The following ADAMTS3 variants were observed in gnomAD, a reference collection of about 807,000 sequenced individuals.
ADAMTS3 encodes the protein A disintegrin and metalloproteinase with thrombospondin motifs 3.
ADAMTS3 carries 73 observed loss-of-function variants against 129.0 expected under a neutral mutation model. The observed-to-expected ratio is 0.57, with a 90% confidence interval of 0.47 to 0.69. ADAMTS3 has a LOEUF of 0.69. ADAMTS3 is among the 30% of genes least tolerant of loss of function. The pLI is 0.00. For missense variants in ADAMTS3, 1,457 were observed against 1,514.5 expected (o/e 0.96, Z 0.63); for synonymous variants, 477 against 510.8 (o/e 0.93, Z 0.89).
intron 3 of ADAMTS3, among the ~76,000 whole-genome samples, chr4:72,492,864 C>G (rs73825554): frequency 0.033 from 4,965 of 151,874 alleles, 255 homozygotes; most frequent in African/African-American, 0.11. Flanking sequence ...TCAATATTTA[C>G]TTTATTTAGA....
At chr4:72,391,260 T>C (rs1257659000) in intron 4 of ADAMTS3, among the ~76,000 whole-genome samples, 1 of 152,244 alleles carries the variant, frequency 6.6e-6, no homozygotes, top group African/African-American at 2.4e-5. Context: ...ACTTCTAAAA[T>C]ACTAAACATA....
chr4:72,463,525 T>G (rs1313044371), intron 3 of ADAMTS3, among the ~76,000 whole-genome samples: 1 of 151,956 alleles, frequency 6.6e-6, no homozygotes. Flanking sequence ...GGTTAATTAT[T>G]CTAATGAAGC....
chr4:72,345,907 G>A (rs533129434), intron 4 of ADAMTS3, among the ~76,000 whole-genome samples: 1 of 152,198 alleles, frequency 6.6e-6, no homozygotes, highest in African/African-American at 2.4e-5. Context: ...CTATGTCAGC[G>A]AGAATGTTTC....
Position 72,281,511 on chromosome 4 carries a change from T to C in ADAMTS3, c.*1625A>G, listed in dbSNP as rs534115519. Reference sequence around the variant, plus strand: ...GTACATGTAATTCATGATGCACTTATCTCTTTCAAAAACTTTTAAAAATGT... The same window carrying C: ...GTACATGTAATTCATGATGCACTTACCTCTTTCAAAAACTTTTAAAAATGT... On this transcript the variant is annotated 3_prime_UTR_variant, in exon 22 of 22. Transcript: ENST00000286657. 17 of 152,388 alleles carry C rather than the reference T, an allele frequency of 1.1e-4. No homozygotes were observed. The South Asian group carries it at 3.1e-3, about 28-fold the overall frequency. 9.4% of individuals were successfully genotyped at this position (152,388 alleles called of 1,614,324 possible). A position where few individuals can be genotyped will look rare whatever the true frequency, so the allele number is the denominator to read the frequency against.
At chr4:72,361,254 G>T (rs1311654151) in intron 4 of ADAMTS3, among the ~76,000 whole-genome samples, 1 of 152,026 alleles carries the variant, frequency 6.6e-6, no homozygotes, top group Non-Finnish European at 1.5e-5. Flanking sequence ...CTGTAACAAT[G>T]AAAATTATAT....
At chr4:72,546,306 C>T (rs16848079) in intron 3 of ADAMTS3, among the ~76,000 whole-genome samples, 7,285 of 152,190 alleles carry the variant, frequency 0.048, 394 homozygotes, top group East Asian at 0.27. Flanking sequence ...TTAGATGCCT[C>T]AGGGAGCTCA....
At position 72,452,687 on chromosome 4, in the gene ADAMTS3, G is replaced by A. The variant is rs143747327; in HGVS notation, c.505-37716C>T. On this transcript the variant is annotated intron_variant, in intron 3 of 21. Coordinates refer to ENST00000286657, the MANE Select transcript of ADAMTS3 (RefSeq NM_014243.3). ...ACACAGGCAGTCTTGAGCTGATTTC[G>A]TGCATCAGGGATTCTGCAGTATGGC... 2.9e-3 allele frequency among the ~76,000 whole-genome samples: 435 copies of A among 151,828 alleles called. 5 individuals are homozygous for A. The highest frequency in any genetic ancestry group is 9.4e-3 in the African/African-American group (391 of 41,500).
chr4:72,343,411 G>C (rs867130025), intron 4 of ADAMTS3, among the ~76,000 whole-genome samples: 1 of 152,054 alleles, frequency 6.6e-6, no homozygotes, highest in East Asian at 1.9e-4. Context: ...ATGATTTGGG[G>C]CTGCTTTTCA....
intron 6 of ADAMTS3, among the ~76,000 whole-genome samples, chr4:72,322,401 A>C (rs1578581277): frequency 6.6e-6 from 1 of 152,206 alleles, no homozygotes; most frequent in East Asian, 1.9e-4. Context: ...TCCTCCTTAA[A>C]GGAGCTAAAC....
At chr4:72,498,956 G>A (rs1719940156) in intron 3 of ADAMTS3, among the ~76,000 whole-genome samples, 1 of 151,878 alleles carries the variant, frequency 6.6e-6, no homozygotes, top group Non-Finnish European at 1.5e-5. Flanking sequence ...CCTATAACAG[G>A]GTTGTCAAGA....
intron 3 of ADAMTS3, among the ~76,000 whole-genome samples, chr4:72,499,313 T>C (rs955218323): frequency 6.6e-6 from 1 of 152,196 alleles, no homozygotes; most frequent in Admixed American, 6.6e-5. Context: ...TTAACAGCAC[T>C]GTACATGTTT....
chr4:72,377,740 C>T (rs1232911806), intron 4 of ADAMTS3, among the ~76,000 whole-genome samples: 19 of 152,244 alleles, frequency 1.2e-4, no homozygotes, highest in Middle Eastern at 3.4e-3. Context: ...TGTTGCCAGG[C>T]ATTGGATAGA....
chr4:72,542,444 A>G (rs181239266), intron 3 of ADAMTS3, among the ~76,000 whole-genome samples: 1,639 of 152,286 alleles, frequency 0.011, 17 homozygotes, highest in Non-Finnish European at 0.016. Flanking sequence ...GATTACAGGC[A>G]TGAGCCACTG....
intron 3 of ADAMTS3, among the ~76,000 whole-genome samples, chr4:72,417,837 G>A (rs1476144279): frequency 6.8e-6 from 1 of 147,584 alleles, no homozygotes; most frequent in Non-Finnish European, 1.5e-5. Flanking sequence ...GGAGGCTGAG[G>A]CAGGAGAATG....
intron 3 of ADAMTS3, among the ~76,000 whole-genome samples, chr4:72,498,207 C>G (rs371059441): frequency 6.6e-6 from 1 of 151,970 alleles, no homozygotes; most frequent in African/African-American, 2.4e-5. Flanking sequence ...CAAAAGTAAG[C>G]ACTCTACGAT....
In ADAMTS3 at chr4:72,479,015, TACAAACCA is replaced by T. The variant is rs1196115232; in HGVS notation, c.505-64052_505-64045del. 2.6e-3 allele frequency among the ~76,000 whole-genome samples: 399 copies of T among 152,256 alleles called. 3 individuals are homozygous for T. Among genetic ancestry groups the T allele is most frequent in the African/African-American group, 9.3e-3 (387 of 41,546 alleles). Reference sequence around the variant, plus strand: ...CGTGAAGGACCTCCTCAAGGAGAACTACAAACCACTGCTCAACGAAATAAAAGAGGATA... The same window carrying T: ...CGTGAAGGACCTCCTCAAGGAGAACTCTGCTCAACGAAATAAAAGAGGATA... On this transcript the variant is annotated intron_variant, in intron 3 of 21. Transcript: ENST00000286657.
chr4:72,409,840 C>T (rs1434553), intron 4 of ADAMTS3, among the ~76,000 whole-genome samples: 101,719 of 151,938 alleles, frequency 0.67, 34,676 homozygotes, highest in South Asian at 0.8. Context: ...CAAAACTAAC[C>T]AGACAACAGA....
chr4:72,542,949 T>C (rs1721371223), intron 3 of ADAMTS3, among the ~76,000 whole-genome samples: 1 of 152,218 alleles, frequency 6.6e-6, no homozygotes, highest in Non-Finnish European at 1.5e-5. Flanking sequence ...ACACATTTGC[T>C]TTTTATGGTG....
chr4:72,567,323 T>C, intron 2 of ADAMTS3, 51 bp downstream of exon 2: 1 of 1,583,502 alleles, frequency 6.3e-7, no homozygotes, highest in Non-Finnish European at 8.7e-7. Flanking sequence ...GCTCACTTCA[T>C]TCCCTTACTT....
Sources: gnomAD v4.1 joint callset for allele counts (sites outside exome capture counted in the v4.1 genomes callset) on GRCh38, gnomAD v4.1.1 for gene constraint, MANE v1.5 for transcripts, NCBI Gene and HGNC (gene_info 2026-07-23, HGNC 2026-07-21) for gene names.